CACTIN: variants seen among roughly 807,000 people sequenced by gnomAD.
The protein encoded by CACTIN is cactin, spliceosome C complex subunit.
In CACTIN, 20 loss-of-function variants were observed where a neutral mutation model predicts 84.9. The observed-to-expected ratio is 0.24, with a 90% CI of 0.17 to 0.34. The LOEUF is 0.34. Ranked by LOEUF, CACTIN falls within the 10% of genes least tolerant of loss-of-function variation. CACTIN has a pLI of 1.00. For missense variants in CACTIN, 897 were observed against 1,117.2 expected (o/e 0.80, Z 2.81); for synonymous variants, 549 against 467.9 (o/e 1.17, Z -2.24).
Position 3,618,811 on chromosome 19 carries a change from G to C in CACTIN, c.1162+64C>G, listed in dbSNP as rs1182283210. The C allele has an allele frequency of 2.3e-6, 3 of 1,302,050 alleles. No homozygotes were observed. In the African/African-American group the frequency reaches 4.4e-5, roughly 19 times the overall value. The allele number at this position is 1,302,050 out of a possible 1,614,324, so 80.7% of individuals were successfully genotyped here. A position where few individuals can be genotyped will look rare whatever the true frequency, so the allele number is the denominator to read the frequency against. ...CACCAGGCCCCACAGCAAGTCTGAGGCTTCTGGGTGAACACTGTAGCCCCC... is the reference window on the plus strand; with the variant it reads ...CACCAGGCCCCACAGCAAGTCTGAGCCTTCTGGGTGAACACTGTAGCCCCC... On this transcript the variant is annotated intron_variant, in intron 6 of 9. Coordinates refer to ENST00000429344, the MANE Select transcript of CACTIN (RefSeq NM_001080543.2).
rs76746085 is a variant in CACTIN, at chr19:3,618,181, G to T, written c.1162+694C>A. On this transcript the variant is annotated intron_variant, in intron 6 of 9. Coordinates refer to ENST00000429344, the MANE Select transcript of CACTIN (RefSeq NM_001080543.2). ...TGCTGTGGTTGGCTTTTAGACCGGG[G>T]GGGGGGGGGGTCTCATCTAGGGCAA... Among the ~76,000 whole-genome samples, 38 of 82,280 alleles carry T rather than the reference G, an allele frequency of 4.6e-4. 3 individuals are homozygous for T. The highest frequency in any genetic ancestry group is 1.4e-3 in the African/African-American group (37 of 25,788). 54.0% of individuals were successfully genotyped at this position (82,280 alleles called of 152,430 possible). A position where few individuals can be genotyped will look rare whatever the true frequency, so the allele number is the denominator to read the frequency against.
chr19:3,618,258 G>C (rs992223606), intron 6 of CACTIN, among the ~76,000 whole-genome samples: 6 of 151,550 alleles, frequency 4.0e-5, no homozygotes, highest in African/African-American at 1.2e-4. Context: ...GCGGTTGTCA[G>C]GACTAGGGGT....
chr19:3,613,016 G>A (rs776655988), intron 9 of CACTIN, 42 bp downstream of exon 9: 7 of 1,473,608 alleles, frequency 4.8e-6, no homozygotes, highest in East Asian at 2.5e-5. Context: ...CCCCCAGCTC[G>A]CCCCACTGGC....
chr19:3,612,970 CGGCTTCGGCCG>C, intron 9 of CACTIN, 77 bp downstream of exon 9: 1 of 1,454,458 alleles, frequency 6.9e-7, no homozygotes, highest in Admixed American at 2.0e-5. Flanking sequence ...CTGACGCCAG[CGGCTTCGGCCG>C]GGAAATGAGG....
Position 3,625,911 on chromosome 19 carries a change from G to T in CACTIN, c.167+685C>A, listed in dbSNP as rs114885265. 1.9e-3 allele frequency among the ~76,000 whole-genome samples: 285 copies of T among 152,252 alleles called. 1 individual carries two copies. The highest frequency in any genetic ancestry group is 6.5e-3 in the African/African-American group (271 of 41,540). On this transcript the variant is annotated intron_variant, in intron 1 of 9. Coordinates refer to ENST00000429344, the MANE Select transcript of CACTIN (RefSeq NM_001080543.2). The stretch of plus-strand genomic sequence containing the variant: ...CGGCTCAAGGCAAATCCGACCAAGT[G>T]CCCCATCTCCAGAAGAAAAGGACCA...
intron 1 of CACTIN, among the ~76,000 whole-genome samples, chr19:3,624,596 A>T (rs553448156): frequency 9.2e-5 from 14 of 152,154 alleles, no homozygotes; most frequent in Admixed American, 3.9e-4. Context: ...AACAACAAGG[A>T]GGCTGTATGG....
At position 3,623,943 on chromosome 19, in the gene CACTIN, C is replaced by T. The variant is rs778236462; in HGVS notation, c.387G>A (p.Ala129=). The T allele has an allele frequency of 1.5e-4, 243 of 1,603,036 alleles. No individual in the cohort carries two copies. Among genetic ancestry groups the T allele is most frequent in the Middle Eastern group, 1.0e-3 (6 of 6,004 alleles). Residue 129 remains alanine, a synonymous_variant, in exon 2 of 10, where the codon GCG becomes GCA. Transcript: ENST00000429344. Reference sequence around the variant, plus strand: ...GCTGCTGGCTCAGGGCAGCCGCGGCCGCCCGGGGGCTCTGGGATCGCCCTG... The same window carrying T: ...GCTGCTGGCTCAGGGCAGCCGCGGCTGCCCGGGGGCTCTGGGATCGCCCTG... The part of the protein sequence containing the change: ...ASPGRSQSPR[A]AAAALSQQQS...
chr19:3,626,260 T>C (rs942970000), intron 1 of CACTIN, among the ~76,000 whole-genome samples: 1 of 152,138 alleles, frequency 6.6e-6, no homozygotes, highest in African/African-American at 2.4e-5. Context: ...CAAACTCCTC[T>C]CAAGACTCTC....
rs1425354720 is a variant in CACTIN at position 3,619,115 on chromosome 19, C to T, written c.1012G>A (p.Val338Met). 3 of 1,584,766 alleles carry T rather than the reference C, an allele frequency of 1.9e-6. No individual in the cohort carries two copies. The highest frequency in any genetic ancestry group is 1.3e-5 in the African/African-American group (1 of 74,350). ...EPYTFLNGLT[V>M]ADMEDLLEDI... is the part of the protein sequence containing the mutation. ...TCCAGCAGGTCCTCCATGTCGGCCA[C>T]GGTGAGGCCGTTGAGGAACGTGTAG... Residue 338 changes from valine to methionine, a missense_variant, in exon 5 of 10, where the codon GTG (valine) becomes ATG (methionine). Val to Met is a conservative substitution (Grantham distance 21, BLOSUM62 1). This residue lies in a region of CACTIN where 304 missense variants were observed against 444.3 expected (regional missense o/e 0.68). Transcript: ENST00000429344.
intron 6 of CACTIN, among the ~76,000 whole-genome samples, chr19:3,618,252 T>G (rs1478015973): frequency 1.3e-5 from 2 of 149,894 alleles, no homozygotes; most frequent in Non-Finnish European, 3.0e-5. Flanking sequence ...ACATCTGCGG[T>G]TGTCAGGACT....
intron 4 of CACTIN, among the ~76,000 whole-genome samples, chr19:3,619,777 GC>G (rs2033184415): frequency 6.6e-6 from 1 of 152,152 alleles, no homozygotes; most frequent in South Asian, 2.1e-4. Flanking sequence ...CCGCCACGGG[GC>G]CCAAGGCAAG....
chr19:3,618,991 TGGGGGCA>T lies in CACTIN; in HGVS notation c.1048-9_1048-3del, dbSNP rs750494036. The T allele has an allele frequency of 5.3e-5, 82 of 1,551,322 alleles. No individual in the cohort carries two copies. The highest frequency in any genetic ancestry group is 6.5e-5 in the Non-Finnish European group (75 of 1,147,164). On this transcript the variant is annotated splice_polypyrimidine_tract_variant and splice_region_variant and intron_variant, in intron 5 of 9. Coordinates refer to ENST00000429344, the MANE Select transcript of CACTIN (RefSeq NM_001080543.2). The stretch of plus-strand genomic sequence containing the variant: ...GCCCTGCTCCAGCTCCATGTAGACC[TGGGGGCA>T]GGGGGCAGGGGTCAGGACACGGGTG...
Position 3,611,656 on chromosome 19 carries a change from G to T in CACTIN, c.*267C>A. ...GCGGCTGCTGGCCACCCTCGTGCTC[G>T]AAAGATGCCCCTAGCGCCCCCTCCG... is the stretch of plus-strand genomic sequence containing the variant. On this transcript the variant is annotated 3_prime_UTR_variant, in exon 10 of 10. Coordinates refer to ENST00000429344, the MANE Select transcript of CACTIN (RefSeq NM_001080543.2). 2.0e-6 allele frequency: 1 copy of T among 505,784 alleles called. No individual in the cohort carries two copies. Among genetic ancestry groups the T allele is most frequent in the Non-Finnish European group, 3.6e-6 (1 of 276,368 alleles). 31.3% of individuals were successfully genotyped at this position (505,784 alleles called of 1,614,324 possible).
rs1342690702 is a variant in CACTIN at position 3,619,063 on chromosome 19, C to T, written c.1047+17G>A. ...GTGAGGGTGCAGGTCAGAGGAGCAT[C>T]GGGTGGGGCTGGGTACCTGGATATC... On this transcript the variant is annotated intron_variant, in intron 5 of 9. Coordinates refer to ENST00000429344, the MANE Select transcript of CACTIN (RefSeq NM_001080543.2). The T allele has an allele frequency of 8.4e-6, 13 of 1,550,980 alleles. No individual in the cohort carries two copies. Among genetic ancestry groups the T allele is most frequent in the South Asian group, 3.6e-5 (3 of 84,078 alleles).
chr19:3,626,427 T>C (rs1336754703), intron 1 of CACTIN, among the ~76,000 whole-genome samples, 169 bp downstream of exon 1: 1 of 152,226 alleles, frequency 6.6e-6, no homozygotes, highest in Admixed American at 6.5e-5. Flanking sequence ...GCCTCTCGCC[T>C]TCCTTCCGCT....
rs1416599099 is a variant in CACTIN at position 3,620,211 on chromosome 19, A to T, written c.800T>A (p.Met267Lys). ...EKAMREQELEMLQREKEAEHF... is the reference protein window; with the variant it reads ...EKAMREQELEKLQREKEAEHF... Reference sequence around the variant, plus strand: ...CTCTGCCTCCTTCTCGCGCTGCAGCATCTCCAGCTCCTGCTCGCGCATGGC... The same window carrying T: ...CTCTGCCTCCTTCTCGCGCTGCAGCTTCTCCAGCTCCTGCTCGCGCATGGC... Residue 267 changes from methionine (M) to lysine (K), a missense_variant, in exon 4 of 10, where the codon ATG becomes AAG. By Grantham distance (95) the Met-to-Lys change is moderately conservative. This residue lies in a region of CACTIN where 304 missense variants were observed against 444.3 expected (regional missense o/e 0.68). Transcript: ENST00000429344. 1 of 1,607,916 alleles carries T rather than the reference A, an allele frequency of 6.2e-7. No individual in the cohort carries two copies. Among genetic ancestry groups the T allele is most frequent in the African/African-American group, 1.3e-5 (1 of 74,992 alleles).
chr19:3,612,456 G>A, intron 9 of CACTIN, 43 bp from the exon 10 acceptor site: 2 of 1,536,590 alleles, frequency 1.3e-6, no homozygotes, highest in East Asian at 2.3e-5. Flanking sequence ...GCCTCCCCCT[G>A]GGTCCTGGCC....
intron 1 of CACTIN, among the ~76,000 whole-genome samples, chr19:3,625,956 G>A (rs1240389755): frequency 6.6e-6 from 1 of 152,144 alleles, no homozygotes; most frequent in Non-Finnish European, 1.5e-5. Context: ...TGAGATTCAG[G>A]CACTAGGAAT....
intron 6 of CACTIN, among the ~76,000 whole-genome samples, chr19:3,618,177 C>CCGGT (rs56057264): frequency 9.3e-6 from 1 of 108,042 alleles, no homozygotes; most frequent in Non-Finnish European, 1.8e-5. Flanking sequence ...GCTTTTAGAC[C>CCGGT]GGGGGGGGGG....
Sources: gnomAD v4.1 joint callset for allele counts (sites outside exome capture counted in the v4.1 genomes callset) on GRCh38, gnomAD v4.1.1 for gene constraint, gnomAD v4.1.1 regional missense constraint, MANE v1.5 for transcripts, NCBI Gene and HGNC (gene_info 2026-07-23, HGNC 2026-07-21) for gene names.